The following ZNF787 variants were observed in gnomAD, a reference collection of about 807,000 sequenced individuals.
ZNF787 encodes the protein TTF-I-interacting peptide 20.
ZNF787 carries 7 observed loss-of-function variants against 16.9 expected under a neutral mutation model. That is an observed-to-expected ratio of 0.42 (90% CI 0.24 to 0.78). ZNF787 has a LOEUF of 0.78. Among genes scored for constraint, ZNF787 ranks in the 30% least tolerant of loss-of-function variants. ZNF787 has a pLI of 0.30. For missense variants in ZNF787, 551 were observed against 589.3 expected (o/e 0.94, Z 0.67); for synonymous variants, 345 against 270.9 (o/e 1.27, Z -2.69).
At chr19:56,116,114 A>G (rs2030130319) in intron 1 of ZNF787, among the ~76,000 whole-genome samples, 1 of 151,920 alleles carries the variant, frequency 6.6e-6, no homozygotes, top group Non-Finnish European at 1.5e-5. Context: ...CTTCCTCTCA[A>G]TTTTGTTGCG....
rs994895023 is a variant in ZNF787, at chr19:56,095,194, G to A, written c.80-6102C>T. Among the ~76,000 whole-genome samples the A allele has an allele frequency of 3.3e-5, 5 of 152,082 alleles. No homozygotes were observed. In the South Asian group the frequency reaches 6.2e-4, roughly 19 times the overall value. On this transcript the variant is annotated intron_variant, in intron 2 of 2. Coordinates refer to ENST00000610935, the MANE Select transcript of ZNF787 (RefSeq NM_001002836.4). Reference sequence around the variant, plus strand: ...CCCGCTCCTGTGAAAATCTCATGCCGCCGCTGACCTGGCAGAAGGCGGAGC... The same window carrying A: ...CCCGCTCCTGTGAAAATCTCATGCCACCGCTGACCTGGCAGAAGGCGGAGC...
At chr19:56,112,482 A>G (rs762555833) in intron 1 of ZNF787, among the ~76,000 whole-genome samples, 11 of 152,012 alleles carry the variant, frequency 7.2e-5, no homozygotes, top group Non-Finnish European at 1.5e-4. Context: ...TATTGTTGTT[A>G]TTAAGTCCCG....
At chr19:56,098,801 G>C (rs1206298560) in intron 2 of ZNF787, among the ~76,000 whole-genome samples, 1 of 131,756 alleles carries the variant, frequency 7.6e-6, no homozygotes, top group African/African-American at 2.6e-5. Context: ...TACGGCCGCA[G>C]GGTGATGCTG....
chr19:56,118,764 G>A (rs950149465), intron 1 of ZNF787, among the ~76,000 whole-genome samples: 4 of 152,180 alleles, frequency 2.6e-5, no homozygotes, highest in African/African-American at 9.7e-5. Flanking sequence ...ACACACGAAC[G>A]AGGTTTGGAA....
chr19:56,099,475 C>A (rs1175547717), intron 2 of ZNF787, among the ~76,000 whole-genome samples: 1 of 152,138 alleles, frequency 6.6e-6, no homozygotes. Context: ...CACTGGGAGG[C>A]CGAGGCGGGC....
In ZNF787 at chr19:56,087,850, T is replaced by TA. The variant is rs1985352290; in HGVS notation, c.*172dup. The TA allele has an allele frequency of 9.2e-7, 1 of 1,081,178 alleles. No individual in the cohort carries two copies. Among genetic ancestry groups the TA allele is most frequent in the African/African-American group, 1.7e-5 (1 of 60,020 alleles). The allele number at this position is 1,081,178 out of a possible 1,614,324, so 67.0% of individuals were successfully genotyped here. On this transcript the variant is annotated 3_prime_UTR_variant, in exon 3 of 3. Transcript: ENST00000610935. ...AGGCGGAGAAGTGAACGGGCCCTAA[T>TA]ACGCCCCAGTGCCCCCCCACGGACG...
At chr19:56,119,778 G>A (rs2030233075) in intron 1 of ZNF787, among the ~76,000 whole-genome samples, 1 of 152,260 alleles carries the variant, frequency 6.6e-6, no homozygotes, top group Non-Finnish European at 1.5e-5. Flanking sequence ...GTTCTCTGAG[G>A]CCGTGCGTGG....
chr19:56,107,061 C>T (rs1280872611), intron 1 of ZNF787, among the ~76,000 whole-genome samples: 1 of 152,110 alleles, frequency 6.6e-6, no homozygotes, highest in Non-Finnish European at 1.5e-5. Context: ...ACAGATATGC[C>T]ATGTGGGTCA....
At chr19:56,112,715 A>G (rs775859858) in intron 1 of ZNF787, among the ~76,000 whole-genome samples, 2 of 151,000 alleles carry the variant, frequency 1.3e-5, no homozygotes, top group African/African-American at 2.4e-5. Context: ...CTTCCCCCCA[A>G]GTCATCCTCC....
At chr19:56,101,216 AT>A (rs1424223529) in intron 2 of ZNF787, among the ~76,000 whole-genome samples, 1 of 62,902 alleles carries the variant, frequency 1.6e-5, no homozygotes, top group Non-Finnish European at 5.0e-5. Flanking sequence ...TCACTGTCAC[AT>A]AGGGGGGACG....
At chr19:56,107,227 G>A (rs1986357741) in intron 1 of ZNF787, among the ~76,000 whole-genome samples, 3 of 152,198 alleles carry the variant, frequency 2.0e-5, no homozygotes, top group Non-Finnish European at 2.9e-5. Context: ...AGGTCTCTCC[G>A]TGGGGAAGGG....
Position 56,088,071 on chromosome 19 carries a change from C to CTCGTCG in ZNF787, c.1095_1100dup (p.Asp365_Asp366dup), listed in dbSNP as rs5828672. On this transcript the variant is annotated inframe_insertion, in exon 3 of 3. Transcript: ENST00000610935. The surrounding 1 kb of genome is among the most constrained non-coding windows in gnomAD (Gnocchi z 8.6). ...ACTCGGGGCACCGCCCGCCCGCGGCCTCGTCGTCGTCGTCCTCCTCCTCCC... is the reference window on the plus strand; with the variant it reads ...ACTCGGGGCACCGCCCGCCCGCGGCCTCGTCGTCGTCGTCGTCGTCCTCCTCCTCCC... The CTCGTCG allele has an allele frequency of 9.5e-5, 139 of 1,470,398 alleles. No homozygotes were observed. The highest frequency in any genetic ancestry group is 5.4e-4 in the Admixed American group (22 of 40,680). 91.1% of individuals were successfully genotyped at this position (1,470,398 alleles called of 1,614,324 possible).
intron 2 of ZNF787, 48 bp downstream of exon 2, chr19:56,103,091 T>C (rs370584929): frequency 1.3e-6 from 2 of 1,594,878 alleles, no homozygotes; most frequent in African/African-American, 2.7e-5. Flanking sequence ...GAAGCCAGGG[T>C]CAGGTGGGAG....
intron 1 of ZNF787, among the ~76,000 whole-genome samples, chr19:56,111,493 C>T (rs533146889): frequency 2.0e-5 from 3 of 152,056 alleles, no homozygotes; most frequent in Non-Finnish European, 4.4e-5. Context: ...ACACCCTGGC[C>T]GACCCAGAGA....
Position 56,087,865 on chromosome 19 carries a change from C to T in ZNF787, c.*158G>A, listed in dbSNP as rs992364732. ...CGGGCCCTAATACGCCCCAGTGCCCCCCCACGGACGGCGCAGGGACAGAGG... is the reference window on the plus strand; with the variant it reads ...CGGGCCCTAATACGCCCCAGTGCCCTCCCACGGACGGCGCAGGGACAGAGG... On this transcript the variant is annotated 3_prime_UTR_variant, in exon 3 of 3. Transcript: ENST00000610935. 1.1e-5 allele frequency: 13 copies of T among 1,179,792 alleles called. No homozygotes were observed. In the East Asian group the frequency reaches 4.0e-4, roughly 36 times the overall value. 73.1% of individuals were successfully genotyped at this position (1,179,792 alleles called of 1,614,324 possible). A position where few individuals can be genotyped will look rare whatever the true frequency, so the allele number is the denominator to read the frequency against.
chr19:56,088,033 T>TC lies in ZNF787; in HGVS notation c.1138dup (p.Glu380GlyfsTer83), dbSNP rs765623651. On this transcript the variant is annotated frameshift_variant, in exon 3 of 3. Transcript: ENST00000610935. LOFTEE classifies it high-confidence loss of function. This position sits in a 1 kb window ranked among gnomAD's most constrained non-coding sequence, Gnocchi z 8.6. ...CCCCGGGCCCCTCCCCTACCGGCCC[T>TC]CCCCACCGCGGCACTCGGGGCACCG... 1 of 1,068,518 alleles carries TC rather than the reference T, an allele frequency of 9.4e-7. No individual in the cohort carries two copies. The highest frequency in any genetic ancestry group is 1.1e-6 in the Non-Finnish European group (1 of 910,704). 66.2% of individuals were successfully genotyped at this position (1,068,518 alleles called of 1,614,324 possible).
chr19:56,104,664 G>A (rs893834485), intron 1 of ZNF787, among the ~76,000 whole-genome samples: 3 of 152,040 alleles, frequency 2.0e-5, no homozygotes, highest in African/African-American at 4.8e-5. Context: ...CCACCAACCC[G>A]TGACTGTGAA....
In ZNF787 at chr19:56,089,981, A is replaced by G. The variant is rs78031536; in HGVS notation, c.80-889T>C. On this transcript the variant is annotated intron_variant, in intron 2 of 2. Transcript: ENST00000610935. ...CTCCCTTGGGGCCTGGTCCAGAGCA[A>G]CAGAATCAGGTGGGAGGGCCTCAGC... Among the ~76,000 whole-genome samples, 1,159 of 152,272 alleles carry G rather than the reference A, an allele frequency of 7.6e-3. 21 individuals carry two copies. The highest frequency in any genetic ancestry group is 0.026 in the African/African-American group (1,099 of 41,548).
chr19:56,088,304 C>G lies in ZNF787; in HGVS notation c.868G>C (p.Gly290Arg). Residue 290 changes from glycine (G) to arginine (R), a missense_variant, in exon 3 of 3, where the codon GGG becomes CGG. Around this residue, in one of 4 missense-constraint regions of ZNF787, gnomAD observed 392 missense variants for 312.7 expected, o/e 1.25. Coordinates refer to ENST00000610935, the MANE Select transcript of ZNF787 (RefSeq NM_001002836.4). The surrounding 1 kb of genome is among the most constrained non-coding windows in gnomAD (Gnocchi z 8.6). Reference protein sequence around the residue: ...YVCLECGKGFGHGAGLLAHQR... With the variant: ...YVCLECGKGFRHGAGLLAHQR... ...TGCGCCAGGAGCCCGGCCCCGTGCCCGAAGCCCTTCCCGCACTCCAGACAC... is the reference window on the plus strand; with the variant it reads ...TGCGCCAGGAGCCCGGCCCCGTGCCGGAAGCCCTTCCCGCACTCCAGACAC... 7.5e-7 allele frequency: 1 copy of G among 1,341,452 alleles called. No homozygotes were observed. 83.1% of individuals were successfully genotyped at this position (1,341,452 alleles called of 1,614,324 possible).
Sources: allele counts gnomAD v4.1 joint callset (sites outside exome capture counted in the v4.1 genomes callset), GRCh38; gene constraint gnomAD v4.1.1; regional missense constraint gnomAD v4.1.1; non-coding constraint Gnocchi (gnomAD v3.1); transcripts MANE v1.5; gene names NCBI Gene and HGNC (gene_info 2026-07-23, HGNC 2026-07-21).